Variants in HOMER1 observed in about 807,000 individuals in gnomAD.
The protein encoded by HOMER1 is homer scaffold protein 1.
Under a neutral mutation model 48.9 loss-of-function variants are expected in HOMER1, and 3 were observed. The ratio of observed to expected loss-of-function variants is 0.06; its 90% CI spans 0.03 to 0.16. The LOEUF (loss-of-function observed/expected upper bound fraction) is 0.16, where lower values mean the gene tolerates loss of function less well. HOMER1 is among the 10% of genes least tolerant of loss of function. The pLI is 1.00. For synonymous variants in HOMER1, 134 were observed against 146.4 expected, an observed-to-expected ratio of 0.92 and a Z score of 0.61; for missense variants, 247 against 411.4, an observed-to-expected ratio of 0.60 and a Z score of 3.46.
At chr5:79,383,721 C>T (rs1337530326) in intron 8 of HOMER1, among the ~76,000 whole-genome samples, 5 of 152,050 alleles carry the variant, frequency 3.3e-5, no homozygotes, top group Non-Finnish European at 7.4e-5. Context: ...CTCATTACCA[C>T]GTGGAACATT....
intron 2 of HOMER1, among the ~76,000 whole-genome samples, chr5:79,451,631 T>C (rs984053281): frequency 2.7e-4 from 38 of 142,726 alleles, no homozygotes; most frequent in African/African-American, 9.5e-4. Flanking sequence ...AGTGGCGTGA[T>C]CTCGGCTAAC....
intron 1 of HOMER1, among the ~76,000 whole-genome samples, chr5:79,486,673 C>T (rs1237752665): frequency 6.6e-6 from 1 of 152,094 alleles, no homozygotes; most frequent in Non-Finnish European, 1.5e-5. Flanking sequence ...CAGTCTAGTA[C>T]AAGAGCCCAA....
intron 1 of HOMER1, among the ~76,000 whole-genome samples, chr5:79,496,040 TAC>T (rs1385900705): frequency 2.0e-5 from 3 of 152,210 alleles, no homozygotes; most frequent in East Asian, 3.8e-4. Context: ...GTAACTTTAA[TAC>T]AGTTTTCAAA....
At chr5:79,471,732 G>C (rs1470717571) in intron 1 of HOMER1, among the ~76,000 whole-genome samples, 2 of 152,150 alleles carry the variant, frequency 1.3e-5, no homozygotes, top group Non-Finnish European at 1.5e-5. Context: ...AGAGCAACTA[G>C]AGGACACAAT....
chr5:79,412,954 A>C (rs558436459), intron 5 of HOMER1, among the ~76,000 whole-genome samples: 1 of 152,356 alleles, frequency 6.6e-6, no homozygotes, highest in South Asian at 2.1e-4. Flanking sequence ...AGATATAAGG[A>C]GGAATCAAAT....
intron 5 of HOMER1, among the ~76,000 whole-genome samples, chr5:79,413,176 T>G (rs995103222): frequency 6.6e-6 from 1 of 152,190 alleles, no homozygotes; most frequent in South Asian, 2.1e-4. Flanking sequence ...CTAACATTTA[T>G]GCAATCTGAC....
At chr5:79,381,353 T>C (rs557207504) in intron 8 of HOMER1, among the ~76,000 whole-genome samples, 1 of 152,316 alleles carries the variant, frequency 6.6e-6, no homozygotes, top group African/African-American at 2.4e-5. Context: ...CAGGAAAGAA[T>C]CTTCCCCTAT....
intron 5 of HOMER1, among the ~76,000 whole-genome samples, chr5:79,408,813 G>GTGA (rs923122446): frequency 1.3e-5 from 2 of 152,016 alleles, no homozygotes; most frequent in Non-Finnish European, 2.9e-5. Context: ...GGCCAAGGGG[G>GTGA]TGGCTCATGC....
intron 6 of HOMER1, among the ~76,000 whole-genome samples, chr5:79,401,090 C>T (rs560812830): frequency 6.6e-6 from 1 of 151,726 alleles, no homozygotes; most frequent in Non-Finnish European, 1.5e-5. Flanking sequence ...TTTTTCTGCA[C>T]CAAATCTCTA....
At chr5:79,434,989 G>C (rs934765516) in intron 5 of HOMER1, among the ~76,000 whole-genome samples, 68 of 152,102 alleles carry the variant, frequency 4.5e-4, no homozygotes, top group African/African-American at 1.5e-3. Flanking sequence ...ACACAGTGGA[G>C]GAGGACTAGA....
intron 8 of HOMER1, among the ~76,000 whole-genome samples, chr5:79,379,266 A>G (rs1580409920): frequency 9.9e-6 from 1 of 101,420 alleles, no homozygotes; most frequent in South Asian, 2.6e-4. Context: ...TATATATATT[A>G]TATATTATAT....
At chr5:79,431,013 A>G (rs1439012014) in intron 5 of HOMER1, among the ~76,000 whole-genome samples, 3 of 152,216 alleles carry the variant, frequency 2.0e-5, no homozygotes, top group South Asian at 4.1e-4. Context: ...ATACTGATAC[A>G]TTCTATAACA....
chr5:79,428,486 G>A (rs536942619), intron 5 of HOMER1, among the ~76,000 whole-genome samples: 8 of 152,136 alleles, frequency 5.3e-5, no homozygotes, highest in Middle Eastern at 3.4e-3. Flanking sequence ...TGATAGGAAA[G>A]GAGGAAGTAA....
intron 8 of HOMER1, among the ~76,000 whole-genome samples, chr5:79,393,777 A>C (rs762962376): frequency 2.6e-5 from 4 of 152,228 alleles, no homozygotes; most frequent in Non-Finnish European, 4.4e-5. Flanking sequence ...ATAAACTGCC[A>C]TTACTATAGG....
chr5:79,433,124 T>C (rs927604588), intron 5 of HOMER1, among the ~76,000 whole-genome samples: 3 of 152,210 alleles, frequency 2.0e-5, no homozygotes, highest in African/African-American at 7.2e-5. Context: ...TCTATTCTAG[T>C]TTATTACTAT....
chr5:79,401,705 C>T (rs1349841871), intron 6 of HOMER1, among the ~76,000 whole-genome samples, 194 bp downstream of exon 6: 3 of 152,090 alleles, frequency 2.0e-5, no homozygotes, highest in African/African-American at 2.4e-5. Context: ...CTTCAAAAGG[C>T]GTATATTCTT....
At chr5:79,379,111 T>TATATATATATAA (rs1554056110) in intron 8 of HOMER1, among the ~76,000 whole-genome samples, 1 of 94,724 alleles carries the variant, frequency 1.1e-5, no homozygotes, top group African/African-American at 4.5e-5. Flanking sequence ...TATATATATA[T>TATATATATATAA]ATAAAATATA....
At chr5:79,440,429 A>G (rs1041577067) in intron 4 of HOMER1, among the ~76,000 whole-genome samples, 1 of 152,222 alleles carries the variant, frequency 6.6e-6, no homozygotes, top group Non-Finnish European at 1.5e-5. Flanking sequence ...TCAAAAGGAT[A>G]CTTTCTTAAT....
intron 8 of HOMER1, among the ~76,000 whole-genome samples, chr5:79,381,396 T>C (rs73769646): frequency 0.022 from 3,346 of 152,308 alleles, 122 homozygotes; most frequent in African/African-American, 0.074. Context: ...CAGAAGTGAC[T>C]GTTAAACCAG....
Sources: gnomAD v4.1 joint callset for allele counts (sites outside exome capture counted in the v4.1 genomes callset) on GRCh38, gnomAD v4.1.1 for gene constraint, MANE v1.5 for transcripts, NCBI Gene and HGNC (gene_info 2026-07-23, HGNC 2026-07-21) for gene names.